Variants in ESR1 observed in about 807,000 individuals in gnomAD.
ESR1 encodes the protein estrogen receptor.
ESR1 carries 12 observed loss-of-function variants against 52.7 expected under a neutral mutation model. That is an observed-to-expected ratio of 0.23 (90% CI 0.15 to 0.37). ESR1 has a LOEUF of 0.37. Among genes scored for constraint, ESR1 ranks in the 10% least tolerant of loss-of-function variants. ESR1 has a pLI of 1.00. For missense variants in ESR1, 584 were observed against 779.7 expected (o/e 0.75, Z 2.99); for synonymous variants, 305 against 316.8 (o/e 0.96, Z 0.39).
chr6:151,892,789 G>T (rs185300368), intron 3 of ESR1, among the ~76,000 whole-genome samples: 3 of 152,180 alleles, frequency 2.0e-5, no homozygotes, highest in Admixed American at 2.0e-4. Context: ...TATCCAGTAG[G>T]TATAAACCAA....
At chr6:151,945,504 C>T (rs1161419154) in intron 4 of ESR1, among the ~76,000 whole-genome samples, 2 of 152,168 alleles carry the variant, frequency 1.3e-5, no homozygotes, top group Non-Finnish European at 2.9e-5. Context: ...GGGAGAAGAA[C>T]TCAAGTTTGT....
In ESR1 at chr6:151,842,780, T is replaced by C; in HGVS notation, c.636T>C (p.Ser212=). 1 of 1,613,764 alleles carries C rather than the reference T, an allele frequency of 6.2e-7. No homozygotes were observed. The highest frequency in any genetic ancestry group is 8.5e-7 in the Non-Finnish European group (1 of 1,179,748). Residue 212 remains serine (S), a synonymous_variant, in exon 2 of 8, where the codon AGT becomes AGC. Transcript: ENST00000206249. ...GCTGCAAGGCCTTCTTCAAGAGAAG[T>C]ATTCAAGGTAATAGTGTGTTGAAAA... ...CEGCKAFFKR[S]IQGHNDYMCP...
At chr6:152,106,085 G>A (rs548263534), downstream of ESR1, among the ~76,000 whole-genome samples, 6 of 152,000 alleles carry the variant, frequency 3.9e-5, no homozygotes, top group African/African-American at 9.7e-5. Context: ...GAGCCACCGC[G>A]CCCGGCCTCA....
intron 2 of ESR1, among the ~76,000 whole-genome samples, chr6:151,856,585 TACA>T (rs1193737332): frequency 5.5e-5 from 7 of 127,744 alleles, no homozygotes; most frequent in Non-Finnish European, 8.2e-5. Context: ...ATCAATTATA[TACA>T]ACGTGTTTGG....
intron 4 of ESR1, among the ~76,000 whole-genome samples, chr6:151,984,959 A>G (rs2040317609): frequency 6.6e-6 from 1 of 152,112 alleles, no homozygotes; most frequent in Non-Finnish European, 1.5e-5. Flanking sequence ...AACTAATTTA[A>G]TCACATTCAT....
chr6:152,035,636 G>A (rs1339420715), intron 5 of ESR1, among the ~76,000 whole-genome samples: 2 of 151,978 alleles, frequency 1.3e-5, no homozygotes, highest in African/African-American at 2.4e-5. Flanking sequence ...GTTGAGAGAT[G>A]GGGTAAAAAA....
chr6:152,011,172 A>G (rs2042734939), intron 4 of ESR1, among the ~76,000 whole-genome samples: 1 of 152,228 alleles, frequency 6.6e-6, no homozygotes, highest in East Asian at 1.9e-4. Context: ...TACATATTAC[A>G]AAAAAAGAGT....
At chr6:151,680,299 G>T (rs1038154207) in intron 1 of ESR1, among the ~76,000 whole-genome samples, 1 of 150,970 alleles carries the variant, frequency 6.6e-6, no homozygotes, top group Non-Finnish European at 1.5e-5. Flanking sequence ...CACCTTCCAG[G>T]TTCAAGTGAG....
At chr6:151,955,346 A>G (rs1035897558) in intron 4 of ESR1, among the ~76,000 whole-genome samples, 1 of 152,248 alleles carries the variant, frequency 6.6e-6, no homozygotes, top group Non-Finnish European at 1.5e-5. Context: ...ACTTACTACC[A>G]TTAAACTGCA....
chr6:151,765,608 A>G (rs908478891), intron 2 of ESR1, among the ~76,000 whole-genome samples: 2 of 152,176 alleles, frequency 1.3e-5, no homozygotes, highest in Non-Finnish European at 2.9e-5. Context: ...TTAAAGCATT[A>G]GTTCCATGTC....
chr6:151,685,549 G>A (rs1778632951), upstream of ESR1, among the ~76,000 whole-genome samples: 1 of 152,184 alleles, frequency 6.6e-6, no homozygotes, highest in African/African-American at 2.4e-5. Context: ...GATCCTACTT[G>A]AGACCTTGCT....
chr6:152,068,687 A>G (rs2048157639), intron 6 of ESR1, among the ~76,000 whole-genome samples: 1 of 152,264 alleles, frequency 6.6e-6, no homozygotes, highest in African/African-American at 2.4e-5. Context: ...TTAAAGACCT[A>G]TGAGAATCCA....
chr6:151,834,672 C>T (rs906631455), intron 1 of ESR1, among the ~76,000 whole-genome samples: 3 of 151,590 alleles, frequency 2.0e-5, no homozygotes, highest in Non-Finnish European at 4.4e-5. Flanking sequence ...ACATTCTGCA[C>T]ATGTATCCCA....
At chr6:151,911,524 C>T (rs904678133) in intron 3 of ESR1, among the ~76,000 whole-genome samples, 1 of 152,150 alleles carries the variant, frequency 6.6e-6, no homozygotes, top group Non-Finnish European at 1.5e-5. Context: ...TTACAGCTCC[C>T]TGGAACATTC....
intron 4 of ESR1, among the ~76,000 whole-genome samples, chr6:151,950,088 CTCT>C (rs771195745): frequency 6.6e-6 from 1 of 152,192 alleles, no homozygotes; most frequent in African/African-American, 2.4e-5. Flanking sequence ...TCTGCACAAG[CTCT>C]TCTTCTCTTG....
At chr6:152,046,811 G>A (rs2046267168) in intron 5 of ESR1, among the ~76,000 whole-genome samples, 1 of 152,196 alleles carries the variant, frequency 6.6e-6, no homozygotes, top group African/African-American at 2.4e-5. Context: ...GACAGCTGCA[G>A]CTCCAAATTC....
intron 4 of ESR1, among the ~76,000 whole-genome samples, chr6:151,985,529 A>AG (rs2040393551): frequency 7.5e-6 from 1 of 133,044 alleles, no homozygotes; most frequent in East Asian, 2.4e-4. Context: ...AAAAAAAAAA[A>AG]AAAACACAAA....
At chr6:151,676,206 T>C (rs575049554) in intron 1 of ESR1, among the ~76,000 whole-genome samples, 1 of 152,132 alleles carries the variant, frequency 6.6e-6, no homozygotes, top group East Asian at 1.9e-4. Context: ...CCAGCCTGCT[T>C]CACTAGTGCC....
chr6:152,062,136 C>T (rs748690613), intron 6 of ESR1, among the ~76,000 whole-genome samples: 5 of 152,048 alleles, frequency 3.3e-5, no homozygotes, highest in East Asian at 1.9e-4. Context: ...ATAGAGAATC[C>T]GCACTTCCTT....
Sources: allele counts gnomAD v4.1 joint callset (sites outside exome capture counted in the v4.1 genomes callset), GRCh38; gene constraint gnomAD v4.1.1; transcripts MANE v1.5; gene names NCBI Gene and HGNC (gene_info 2026-07-23, HGNC 2026-07-21).